Variants in GDAP1 observed in about 807,000 individuals in gnomAD.
GDAP1 encodes ganglioside-induced differentiation-associated protein 1.
In GDAP1, 34 loss-of-function variants were observed where a neutral mutation model predicts 40.1. The ratio of observed to expected loss-of-function variants is 0.85; its 90% CI spans 0.64 to 1.13. GDAP1 has a LOEUF of 1.13. Ranked by LOEUF, GDAP1 falls within the 50% of genes most tolerant of loss-of-function variation. The pLI, the probability that GDAP1 is intolerant of heterozygous loss-of-function variation, is 0.00. For synonymous variants in GDAP1, 170 were observed against 157.4 expected (o/e 1.08, Z -0.60); for missense variants, 374 against 433.7 (o/e 0.86, Z 1.22).
At chr8:74,375,352 C>T (rs1563450860) in intron 2 of GDAP1, among the ~76,000 whole-genome samples, 1 of 152,058 alleles carries the variant, frequency 6.6e-6, no homozygotes, top group Non-Finnish European at 1.5e-5. Flanking sequence ...TCAACTATTC[C>T]TCGTGACTGT....
chr8:74,416,766 G>A (rs1295087100), intron 2 of GDAP1, among the ~76,000 whole-genome samples: 1 of 149,720 alleles, frequency 6.7e-6, no homozygotes, highest in Non-Finnish European at 1.5e-5. Context: ...AGGAGTAGAA[G>A]CATTCACAGT....
intron 2 of GDAP1, among the ~76,000 whole-genome samples, chr8:74,398,759 G>T (rs939712534): frequency 1.3e-5 from 2 of 152,000 alleles, no homozygotes; most frequent in Non-Finnish European, 2.9e-5. Flanking sequence ...TTAGCATGAA[G>T]AGTTGTTGAA....
In GDAP1 at chr8:74,364,467, A is replaced by AT; in HGVS notation, c.*106dup. ...TCTGTCTTATTGAGTAGTTAGCAGTATTTTTTCCTAAAATTCAGAAGTCAT... is the reference window on the plus strand; with the variant it reads ...TCTGTCTTATTGAGTAGTTAGCAGTATTTTTTTCCTAAAATTCAGAAGTCAT... On this transcript the variant is annotated 3_prime_UTR_variant, in exon 6 of 6. Transcript: ENST00000220822. The AT allele has an allele frequency of 8.2e-7, 1 of 1,213,092 alleles. No homozygotes were observed. The highest frequency in any genetic ancestry group is 1.2e-6 in the Non-Finnish European group (1 of 828,762). 75.1% of individuals were successfully genotyped at this position (1,213,092 alleles called of 1,614,324 possible).
intron 2 of GDAP1, among the ~76,000 whole-genome samples, chr8:74,393,644 G>A (rs1346695024): frequency 6.6e-6 from 1 of 152,096 alleles, no homozygotes; most frequent in East Asian, 1.9e-4. Flanking sequence ...CGACCTGGGA[G>A]AATAACAAAA....
chr8:74,432,560 C>T (rs1320522221), intron 2 of GDAP1, among the ~76,000 whole-genome samples: 1 of 152,102 alleles, frequency 6.6e-6, no homozygotes, highest in East Asian at 1.9e-4. Flanking sequence ...TCCCTATCAT[C>T]CCATCTTCTG....
chr8:74,372,063 C>G (rs1186081738), intron 2 of GDAP1, among the ~76,000 whole-genome samples: 3 of 152,074 alleles, frequency 2.0e-5, no homozygotes, highest in African/African-American at 7.2e-5. Context: ...ATGATGGTTT[C>G]CAGCTTCATC....
chr8:74,370,818 G>T (rs73347221), downstream of GDAP1, among the ~76,000 whole-genome samples: 671 of 152,278 alleles, frequency 4.4e-3, 6 homozygotes, highest in African/African-American at 0.015. Context: ...CATCAAGAAA[G>T]GTGGTATGGC....
At chr8:74,443,360 T>C (rs1232282193) in intron 2 of GDAP1, among the ~76,000 whole-genome samples, 1 of 152,208 alleles carries the variant, frequency 6.6e-6, no homozygotes, top group Non-Finnish European at 1.5e-5. Flanking sequence ...TTTCTTGAAA[T>C]TAGTTCCTTT....
rs1425323689 is a variant in GDAP1, at chr8:74,352,623, T to C, written c.310+1157T>C. 2.0e-5 allele frequency among the ~76,000 whole-genome samples: 3 copies of C among 152,250 alleles called. No homozygotes were observed. The East Asian group carries it at 5.8e-4, about 29-fold the overall frequency. ...AAGTGCTAGTCCCCTAGGATTGTGA[T>C]TGGCGGTTTTAATTAAAGGTAGCTT... On this transcript the variant is annotated intron_variant, in intron 2 of 5. Coordinates refer to ENST00000220822, the MANE Select transcript of GDAP1 (RefSeq NM_018972.4).
chr8:74,488,426 G>A (rs955388406), intron 2 of GDAP1, among the ~76,000 whole-genome samples: 1 of 152,084 alleles, frequency 6.6e-6, no homozygotes, highest in African/African-American at 2.4e-5. Context: ...AATTTTTAGT[G>A]TAACTTTCTA....
downstream of GDAP1, among the ~76,000 whole-genome samples, chr8:74,371,431 C>G (rs541039499): frequency 6.6e-6 from 1 of 152,060 alleles, no homozygotes; most frequent in African/African-American, 2.4e-5. Flanking sequence ...GAGGCCGAGG[C>G]GGGCGGATCA....
chr8:74,483,210 A>T (rs893994185), intron 2 of GDAP1, among the ~76,000 whole-genome samples: 5 of 152,158 alleles, frequency 3.3e-5, no homozygotes, highest in African/African-American at 1.2e-4. Flanking sequence ...TAAGGCCTTG[A>T]GGAATAGAAA....
At chr8:74,484,831 C>T (rs149295188) in intron 2 of GDAP1, among the ~76,000 whole-genome samples, 1 of 152,162 alleles carries the variant, frequency 6.6e-6, no homozygotes, top group African/African-American at 2.4e-5. Context: ...CATCTTGATT[C>T]CTTCTGTTTT....
At chr8:74,457,467 T>A (rs1806350350) in intron 2 of GDAP1, among the ~76,000 whole-genome samples, 1 of 152,206 alleles carries the variant, frequency 6.6e-6, no homozygotes, top group African/African-American at 2.4e-5. Context: ...CCTTGGATAC[T>A]TCCAGTTTCC....
In GDAP1 at chr8:74,413,993, T is replaced by C. The variant is rs566015954; in HGVS notation, c.165+62672T>C. Among the ~76,000 whole-genome samples the C allele has an allele frequency of 2.0e-5, 3 of 150,178 alleles. No individual in the cohort carries two copies. In the South Asian group the frequency reaches 6.2e-4, roughly 31 times the overall value. ...TCTTTAAAAAAGCATATGTAGACTT[T>C]GAGATTCAAACTATCGGCTAGATTA... is the stretch of plus-strand genomic sequence containing the variant. On this transcript the variant is annotated intron_variant, in intron 2 of 2. Coordinates refer to the GDAP1 transcript ENST00000523640.
intron 2 of GDAP1, among the ~76,000 whole-genome samples, chr8:74,422,349 CT>C (rs1451707578): frequency 2.8e-5 from 1 of 35,474 alleles, no homozygotes; most frequent in Non-Finnish European, 5.0e-5. Flanking sequence ...TTCTTTCTTT[CT>C]TCCCTTCCTT....
intron 2 of GDAP1, among the ~76,000 whole-genome samples, chr8:74,459,649 G>A (rs1159880427): frequency 2.6e-5 from 4 of 152,212 alleles, no homozygotes; most frequent in Admixed American, 1.3e-4. Flanking sequence ...TATTTATTGA[G>A]TGAGAAAAGG....
intron 2 of GDAP1, among the ~76,000 whole-genome samples, chr8:74,415,656 T>C (rs976546920): frequency 2.0e-5 from 3 of 149,716 alleles, no homozygotes. Context: ...CTGGGGCTGA[T>C]TTAGTGAGTG....
At chr8:74,358,649 A>G (rs554836010) in intron 2 of GDAP1, among the ~76,000 whole-genome samples, 1 of 152,324 alleles carries the variant, frequency 6.6e-6, no homozygotes, top group Non-Finnish European at 1.5e-5. Flanking sequence ...AGAGAATAAG[A>G]GTGAAAAAGT....
Sources: allele counts gnomAD v4.1 joint callset (sites outside exome capture counted in the v4.1 genomes callset), GRCh38; gene constraint gnomAD v4.1.1; transcripts MANE v1.5; gene names NCBI Gene and HGNC (gene_info 2026-07-23, HGNC 2026-07-21).